KIAA0586: variants seen among roughly 807,000 people sequenced by gnomAD.
KIAA0586 encodes KIAA0586.
In KIAA0586, 144 loss-of-function variants were observed where a neutral mutation model predicts 169.8. The ratio of observed to expected loss-of-function variants is 0.85; its 90% CI spans 0.74 to 0.97. The LOEUF (loss-of-function observed/expected upper bound fraction) is 0.97. KIAA0586 is among the 50% of genes least tolerant of loss of function. KIAA0586 has a pLI of 0.00. For synonymous variants in KIAA0586, 625 were observed against 612.4 expected, an observed-to-expected ratio of 1.02 and a Z score of -0.30; for missense variants, 1,854 against 1,823.0, an observed-to-expected ratio of 1.02 and a Z score of -0.31.
chr14:58,427,813 G>T lies in KIAA0586; in HGVS notation c.-452G>T. 6.7e-7 allele frequency: 1 copy of T among 1,492,340 alleles called. No individual in the cohort carries two copies. Among genetic ancestry groups the T allele is most frequent in the Non-Finnish European group, 8.9e-7 (1 of 1,125,334 alleles). The allele number at this position is 1,492,340 out of a possible 1,614,324, so 92.4% of individuals were successfully genotyped here. A position where few individuals can be genotyped will look rare whatever the true frequency, so the allele number is the denominator to read the frequency against. ...TGTTTCCGACGATTGCATCTGGAGG[G>T]GTGTGTAAGACTCTGTGGCTGAAGA... On this transcript the variant is annotated 5_prime_UTR_variant, in exon 1 of 31. Transcript: ENST00000652326.
intron 30 of KIAA0586, 110 bp from the exon 31 acceptor site, chr14:58,547,671 A>G: frequency 1.1e-6 from 1 of 885,902 alleles, no homozygotes; most frequent in African/African-American, 1.7e-5. Context: ...GGCAATCCTT[A>G]TTTGGAATCC....
intron 29 of KIAA0586, among the ~76,000 whole-genome samples, chr14:58,515,210 T>C (rs1333061632): frequency 6.6e-6 from 1 of 152,134 alleles, no homozygotes; most frequent in Non-Finnish European, 1.5e-5. Flanking sequence ...CAGCAGTTTT[T>C]AGTTTTTCTT....
chr14:58,458,748 C>T (rs1462881810), intron 12 of KIAA0586, among the ~76,000 whole-genome samples: 2 of 152,070 alleles, frequency 1.3e-5, no homozygotes, highest in Non-Finnish European at 2.9e-5. Flanking sequence ...TATTCTGGCT[C>T]TTATTTGGCA....
intron 29 of KIAA0586, chr14:58,539,828 C>G (rs906449998): frequency 2.0e-5 from 6 of 306,332 alleles, no homozygotes; most frequent in East Asian, 5.4e-5. Flanking sequence ...TTGCTTCCCC[C>G]CCCCATCTGT....
Position 58,446,187 on chromosome 14 carries a change from C to T in KIAA0586, c.807+2012C>T, listed in dbSNP as rs531367921. Among the ~76,000 whole-genome samples, 3 of 151,582 alleles carry T rather than the reference C, an allele frequency of 2.0e-5. No individual in the cohort carries two copies. The East Asian group carries it at 5.9e-4, about 30-fold the overall frequency. On this transcript the variant is annotated intron_variant, in intron 6 of 30. Coordinates refer to ENST00000652326, the MANE Select transcript of KIAA0586 (RefSeq NM_001329943.3). The stretch of plus-strand genomic sequence containing the variant: ...GCCTGGCCTACTGTGCATTTAAAAA[C>T]TTAAAAAAATTAAAATATAACATTC...
At chr14:58,502,284 C>T (rs892305129) in intron 27 of KIAA0586, among the ~76,000 whole-genome samples, 10 of 152,156 alleles carry the variant, frequency 6.6e-5, no homozygotes, top group South Asian at 6.2e-4. Flanking sequence ...TACAGATGCA[C>T]GCCGCCACCT....
intron 26 of KIAA0586, among the ~76,000 whole-genome samples, chr14:58,497,405 G>A (rs191423361): frequency 4.2e-4 from 64 of 151,348 alleles, no homozygotes; most frequent in Admixed American, 2.0e-3. Context: ...TGTCGCCCAG[G>A]CTGGAGTTCA....
intron 18 of KIAA0586, among the ~76,000 whole-genome samples, chr14:58,473,674 G>A (rs2041393279): frequency 1.3e-5 from 2 of 152,178 alleles, no homozygotes; most frequent in South Asian, 2.1e-4. Flanking sequence ...GGGAGGCTGA[G>A]GCAGGTGGAT....
chr14:58,443,378 T>G (rs1432411640), intron 5 of KIAA0586, among the ~76,000 whole-genome samples: 2 of 152,236 alleles, frequency 1.3e-5, no homozygotes, highest in Non-Finnish European at 2.9e-5. Context: ...GTTTTCTTCT[T>G]TTTAATTTCC....
intron 6 of KIAA0586, among the ~76,000 whole-genome samples, chr14:58,444,475 G>A (rs1465381686): frequency 2.0e-5 from 3 of 151,948 alleles, no homozygotes; most frequent in Non-Finnish European, 4.4e-5. Context: ...CCAGGCTGAA[G>A]TACAGTAGTA....
intron 23 of KIAA0586, 129 bp downstream of exon 23, chr14:58,488,238 G>A (rs1419844529): frequency 1.3e-6 from 1 of 775,008 alleles, no homozygotes; most frequent in Non-Finnish European, 2.0e-6. Context: ...TTGAAAGAAA[G>A]AACTTTCATA....
At chr14:58,520,708 T>G (rs927095084) in intron 29 of KIAA0586, among the ~76,000 whole-genome samples, 1 of 151,966 alleles carries the variant, frequency 6.6e-6, no homozygotes, top group Admixed American at 6.6e-5. Flanking sequence ...TCATTTTTTG[T>G]AGAGACAAGG....
the KIAA0586 span, among the ~76,000 whole-genome samples, chr14:58,557,899 A>ATTTTTTTTT: frequency 6.4e-5 from 3 of 46,618 alleles, no homozygotes; most frequent in African/African-American, 9.8e-5. Flanking sequence ...ATCCTGAGAA[A>ATTTTTTTTT]TCTTTTTTTT....
chr14:58,560,178 G>A, the KIAA0586 span, among the ~76,000 whole-genome samples: 1 of 151,236 alleles, frequency 6.6e-6, no homozygotes, highest in African/African-American at 2.4e-5. Context: ...AGATGCACAG[G>A]CCCCACTCCA....
At position 58,427,882 on chromosome 14, in the gene KIAA0586, A is replaced by G. The variant is rs1875030596; in HGVS notation, c.-383A>G. 1.5e-6 allele frequency: 2 copies of G among 1,373,306 alleles called. No individual in the cohort carries two copies. Among genetic ancestry groups the G allele is most frequent in the Middle Eastern group, 2.7e-4 (1 of 3,756 alleles). The allele number at this position is 1,373,306 out of a possible 1,614,324, so 85.1% of individuals were successfully genotyped here. A position where few individuals can be genotyped will look rare whatever the true frequency, so the allele number is the denominator to read the frequency against. On this transcript the variant is annotated 5_prime_UTR_variant, in exon 1 of 31. Transcript: ENST00000652326. Reference sequence around the variant, plus strand: ...TGTGGGTCATTATTTTAAAAATAGCATTTCGCTTTTATTTGCTTGACTGCC... The same window carrying G: ...TGTGGGTCATTATTTTAAAAATAGCGTTTCGCTTTTATTTGCTTGACTGCC...
intron 16 of KIAA0586, 57 bp downstream of exon 16, chr14:58,467,979 C>A: frequency 1.7e-6 from 2 of 1,161,788 alleles, no homozygotes; most frequent in Non-Finnish European, 2.4e-6. Flanking sequence ...TTTTGCTTAA[C>A]GTTAGTACGG....
intron 27 of KIAA0586, among the ~76,000 whole-genome samples, chr14:58,505,053 T>A (rs1035960038): frequency 6.6e-6 from 1 of 152,166 alleles, no homozygotes; most frequent in African/African-American, 2.4e-5. Flanking sequence ...CCACCACCAC[T>A]TTTTTCCTGT....
intron 29 of KIAA0586, among the ~76,000 whole-genome samples, chr14:58,513,435 A>G (rs184028802): frequency 1.3e-5 from 2 of 152,152 alleles, no homozygotes; most frequent in Non-Finnish European, 2.9e-5. Flanking sequence ...GAATGTAACT[A>G]TGCATTTGGT....
At chr14:58,524,399 T>C (rs1303261098) in intron 29 of KIAA0586, among the ~76,000 whole-genome samples, 1 of 152,228 alleles carries the variant, frequency 6.6e-6, no homozygotes, top group Non-Finnish European at 1.5e-5. Context: ...AGACATAGAA[T>C]TCTCCGGGAG....
Sources: gnomAD v4.1 joint callset for allele counts (sites outside exome capture counted in the v4.1 genomes callset) on GRCh38, gnomAD v4.1.1 for gene constraint, MANE v1.5 for transcripts, NCBI Gene and HGNC (gene_info 2026-07-23, HGNC 2026-07-21) for gene names.